RBFOX1: variants seen among roughly 807,000 people sequenced by gnomAD.
RBFOX1 encodes the protein RNA binding fox-1 homolog 1.
Under a neutral mutation model 57.7 loss-of-function variants are expected in RBFOX1, and 8 were observed. That is an observed-to-expected ratio of 0.14 (90% CI 0.08 to 0.25). The LOEUF (loss-of-function observed/expected upper bound fraction) is 0.25, where lower values mean the gene tolerates loss of function less well. RBFOX1 is among the 10% of genes least tolerant of loss of function. The pLI is 1.00. For synonymous variants in RBFOX1, 326 were observed against 222.4 expected (o/e 1.47, Z -4.15); for missense variants, 611 against 548.5 (o/e 1.11, Z -1.14).
At chr16:7,523,891 A>G (rs1016151269) in intron 5 of RBFOX1, among the ~76,000 whole-genome samples, 1 of 152,130 alleles carries the variant, frequency 6.6e-6, no homozygotes, top group African/African-American at 2.4e-5. Context: ...CTCCTCCTAC[A>G]TTTATGGGGT....
intron 4 of RBFOX1, among the ~76,000 whole-genome samples, chr16:7,260,477 T>C (rs1003671796): frequency 2.6e-5 from 4 of 152,138 alleles, no homozygotes; most frequent in Non-Finnish European, 5.9e-5. Context: ...TTTGATTTTT[T>C]TTTTCGTGCA....
intron 1 of RBFOX1, among the ~76,000 whole-genome samples, chr16:6,250,799 C>T (rs1423079154): frequency 1.3e-5 from 2 of 152,116 alleles, no homozygotes; most frequent in African/African-American, 2.4e-5. Context: ...AAATTAATCC[C>T]CCAAATGGCA....
At chr16:5,830,511 A>G (rs554518494) in intron 3 of RBFOX1, among the ~76,000 whole-genome samples, 119 of 152,198 alleles carry the variant, frequency 7.8e-4, no homozygotes, top group African/African-American at 2.8e-3. Context: ...ATATCTGGGT[A>G]TGACCCTCGG....
chr16:6,497,182 C>A (rs1025665073), intron 2 of RBFOX1, among the ~76,000 whole-genome samples: 17 of 152,146 alleles, frequency 1.1e-4, no homozygotes, highest in Admixed American at 1.1e-3. Flanking sequence ...AACAGGCCGA[C>A]TAAACCCACA....
chr16:6,641,559 AC>A (rs1446930696), intron 2 of RBFOX1, among the ~76,000 whole-genome samples: 1 of 151,394 alleles, frequency 6.6e-6, no homozygotes. Context: ...ACAAAGTGAA[AC>A]CCCGTCTCTA....
chr16:5,530,693 A>G (rs1389373086), intron 2 of RBFOX1, among the ~76,000 whole-genome samples: 1 of 152,158 alleles, frequency 6.6e-6, no homozygotes, highest in Non-Finnish European at 1.5e-5. Flanking sequence ...ACCCATTCCC[A>G]GGTGAGACTA....
At chr16:7,702,472 A>C (rs2081067347) in intron 14 of RBFOX1, among the ~76,000 whole-genome samples, 1 of 152,132 alleles carries the variant, frequency 6.6e-6, no homozygotes, top group Admixed American at 6.6e-5. Context: ...CTGCATTTTC[A>C]TTTAGTGACG....
At chr16:7,058,687 AAG>A (rs574016176) in intron 4 of RBFOX1, among the ~76,000 whole-genome samples, 247 of 152,312 alleles carry the variant, frequency 1.6e-3, no homozygotes, top group African/African-American at 5.7e-3. Flanking sequence ...TGGAATAAAA[AAG>A]GTTCTTAATT....
chr16:6,599,245 A>G lies in RBFOX1; in HGVS notation c.-63-55358A>G, dbSNP rs376225184. Among the ~76,000 whole-genome samples, 12 of 152,268 alleles carry G rather than the reference A, an allele frequency of 7.9e-5. No homozygotes were observed. In the East Asian group the frequency reaches 9.7e-4, roughly 12 times the overall value. On this transcript the variant is annotated intron_variant, in intron 2 of 15. Transcript: ENST00000550418. ...CAGAACATGGGTATTGATAACTGCA[A>G]TGTTCTTGGGGCTTTGCATAACTTC... is the stretch of plus-strand genomic sequence containing the variant.
At chr16:5,851,970 A>G (rs985598864) in intron 3 of RBFOX1, among the ~76,000 whole-genome samples, 1 of 152,114 alleles carries the variant, frequency 6.6e-6, no homozygotes, top group East Asian at 1.9e-4. Flanking sequence ...ACCACTTACG[A>G]GCCATATGAG....
At chr16:7,166,836 A>G (rs1222003686) in intron 4 of RBFOX1, among the ~76,000 whole-genome samples, 1 of 152,052 alleles carries the variant, frequency 6.6e-6, no homozygotes, top group African/African-American at 2.4e-5. Flanking sequence ...CCAGGTTGTG[A>G]AACAACTCGG....
intron 2 of RBFOX1, among the ~76,000 whole-genome samples, chr16:6,632,662 G>A (rs933555805): frequency 6.6e-6 from 1 of 152,184 alleles, no homozygotes; most frequent in African/African-American, 2.4e-5. Flanking sequence ...CACTGGGCCT[G>A]ACTGATATCC....
chr16:6,871,365 T>C (rs148739854), intron 3 of RBFOX1, among the ~76,000 whole-genome samples: 1 of 152,222 alleles, frequency 6.6e-6, no homozygotes, highest in African/African-American at 2.4e-5. Context: ...TTTGTATTTT[T>C]AGTAGACATA....
chr16:7,078,436 C>G (rs555577115), intron 4 of RBFOX1, among the ~76,000 whole-genome samples: 1 of 151,976 alleles, frequency 6.6e-6, no homozygotes. Context: ...AAACCTCCGC[C>G]TCCCGGATTC....
chr16:5,262,598 C>A (rs559480699), intron 1 of RBFOX1, among the ~76,000 whole-genome samples: 1 of 152,158 alleles, frequency 6.6e-6, no homozygotes, highest in Non-Finnish European at 1.5e-5. Flanking sequence ...CCATGCCTTA[C>A]AACAAATCAA....
intron 4 of RBFOX1, among the ~76,000 whole-genome samples, chr16:7,083,045 G>A (rs2059436702): frequency 6.6e-6 from 1 of 152,100 alleles, no homozygotes; most frequent in Non-Finnish European, 1.5e-5. Flanking sequence ...ATTTAAAATG[G>A]AAGGTTTTGG....
chr16:5,654,081 A>C (rs921058651), intron 3 of RBFOX1, among the ~76,000 whole-genome samples: 1 of 152,206 alleles, frequency 6.6e-6, no homozygotes, highest in African/African-American at 2.4e-5. Flanking sequence ...AAAAGTGCAT[A>C]GACTTTGCAG....
chr16:5,359,995 T>TTCA (rs1567384998), intron 1 of RBFOX1, among the ~76,000 whole-genome samples: 3 of 152,186 alleles, frequency 2.0e-5, no homozygotes, highest in Non-Finnish European at 4.4e-5. Flanking sequence ...ATCCAAAACA[T>TTCA]AAATTTACAT....
chr16:7,637,186 G>C (rs76235683), intron 11 of RBFOX1, among the ~76,000 whole-genome samples: 1 of 151,306 alleles, frequency 6.6e-6, no homozygotes, highest in Non-Finnish European at 1.5e-5. Flanking sequence ...TTGAACAGTA[G>C]ATCCCCATCA....
Sources: gnomAD v4.1 joint callset for allele counts (sites outside exome capture counted in the v4.1 genomes callset) on GRCh38, gnomAD v4.1.1 for gene constraint, MANE v1.5 for transcripts, NCBI Gene and HGNC (gene_info 2026-07-23, HGNC 2026-07-21) for gene names.